Variants in TTC29 observed in about 807,000 individuals in gnomAD.
TTC29 encodes the protein tetratricopeptide repeat domain 29.
In TTC29, 49 loss-of-function variants were observed where a neutral mutation model predicts 58.1. The observed-to-expected ratio is 0.84, with a 90% CI of 0.67 to 1.07. The LOEUF is 1.07. Ranked by LOEUF, TTC29 falls within the 50% of genes least tolerant of loss-of-function variation. The pLI is 0.00. For missense variants in TTC29, 582 were observed against 555.6 expected (o/e 1.05, Z -0.48); for synonymous variants, 209 against 196.8 (o/e 1.06, Z -0.52).
chr4:146,867,869 TA>T (rs1293466014), intron 7 of TTC29, among the ~76,000 whole-genome samples: 4 of 152,242 alleles, frequency 2.6e-5, no homozygotes, highest in African/African-American at 2.4e-5. Flanking sequence ...ATTTAGTTTA[TA>T]AAGGGGTTTC....
chr4:146,817,508 C>T (rs1751493042), intron 10 of TTC29, among the ~76,000 whole-genome samples: 1 of 152,078 alleles, frequency 6.6e-6, no homozygotes, highest in African/African-American at 2.4e-5. Flanking sequence ...CCATACTGCC[C>T]AAGGTAATTT....
At chr4:146,729,159 T>C (rs1029735304) in intron 11 of TTC29, among the ~76,000 whole-genome samples, 1 of 152,094 alleles carries the variant, frequency 6.6e-6, no homozygotes, top group South Asian at 2.1e-4. Flanking sequence ...ATCTCTTCTT[T>C]TCACTAATAA....
At chr4:146,732,044 T>G (rs765788397) in intron 11 of TTC29, among the ~76,000 whole-genome samples, 7 of 152,172 alleles carry the variant, frequency 4.6e-5, no homozygotes, top group Non-Finnish European at 1.0e-4. Flanking sequence ...GTAACAAGTT[T>G]TGGAAACAAA....
rs143381293 is a variant in TTC29 at position 146,922,775 on chromosome 4, A to C, written c.177-13526T>G. Among the ~76,000 whole-genome samples the C allele has an allele frequency of 2.3e-3, 343 of 151,984 alleles. 1 individual carries two copies. The highest frequency in any genetic ancestry group is 7.9e-3 in the African/African-American group (327 of 41,544). On this transcript the variant is annotated intron_variant, in intron 4 of 12. Transcript: ENST00000325106. ...CATCATTATCTTTACACTCCCTCCAAGATACAGAGAATATTTCAAGAAATA... is the reference window on the plus strand; with the variant it reads ...CATCATTATCTTTACACTCCCTCCACGATACAGAGAATATTTCAAGAAATA...
At chr4:146,923,199 A>C (rs1354539254) in intron 4 of TTC29, among the ~76,000 whole-genome samples, 1 of 151,878 alleles carries the variant, frequency 6.6e-6, no homozygotes, top group African/African-American at 2.4e-5. Flanking sequence ...AAAAATTTTT[A>C]ATTTGCCCTC....
chr4:146,937,143 T>A (rs1213889404), intron 4 of TTC29, among the ~76,000 whole-genome samples: 2 of 152,054 alleles, frequency 1.3e-5, no homozygotes. Context: ...ATTTAAAAAT[T>A]AACCAATAAA....
chr4:146,845,027 G>A (rs769431421), intron 8 of TTC29, among the ~76,000 whole-genome samples: 1 of 150,826 alleles, frequency 6.6e-6, no homozygotes, highest in Non-Finnish European at 1.5e-5. Context: ...TCTTCCAGGG[G>A]TCTTCCAGTT....
At chr4:146,909,391 T>C in intron 4 of TTC29, 142 bp from the exon 5 acceptor site, 1 of 664,862 alleles carries the variant, frequency 1.5e-6, no homozygotes, top group East Asian at 2.7e-5. Flanking sequence ...AAAAGATCTT[T>C]GCCTCAAACA....
intron 11 of TTC29, among the ~76,000 whole-genome samples, chr4:146,778,773 CA>C (rs763496225): frequency 6.6e-6 from 1 of 151,514 alleles, no homozygotes; most frequent in Non-Finnish European, 1.5e-5. Context: ...AGGAGTGAAA[CA>C]ACAGGTATAC....
chr4:146,886,438 A>C (rs887054200), intron 6 of TTC29, among the ~76,000 whole-genome samples: 2 of 152,258 alleles, frequency 1.3e-5, no homozygotes, highest in African/African-American at 2.4e-5. Flanking sequence ...CATCCTTTAT[A>C]ATGCATAATC....
At chr4:146,860,636 C>T (rs189120541) in intron 8 of TTC29, among the ~76,000 whole-genome samples, 16 of 152,210 alleles carry the variant, frequency 1.1e-4, no homozygotes, top group South Asian at 6.2e-4. Context: ...TGGAACAGCA[C>T]GAGATTTCAT....
chr4:146,937,500 A>G lies in TTC29; in HGVS notation c.176+94T>C, dbSNP rs1735936667. The G allele has an allele frequency of 3.7e-6, 3 of 812,912 alleles. No individual in the cohort carries two copies. In the South Asian group the frequency reaches 5.3e-5, roughly 14 times the overall value. The allele number at this position is 812,912 out of a possible 1,614,324, so 50.4% of individuals were successfully genotyped here. On this transcript the variant is annotated intron_variant, in intron 4 of 12. Transcript: ENST00000325106. ...TTTTTAAATGCCATGTTCCAATGAA[A>G]AAGTATATTACACAGGAAAATTGAA... is the stretch of plus-strand genomic sequence containing the variant.
intron 11 of TTC29, among the ~76,000 whole-genome samples, chr4:146,756,818 T>A (rs1376270807): frequency 6.6e-6 from 1 of 152,076 alleles, no homozygotes; most frequent in Non-Finnish European, 1.5e-5. Flanking sequence ...TGTTCCATTC[T>A]ACTGCTGAGA....
chr4:146,821,798 A>C (rs561039699), intron 9 of TTC29, among the ~76,000 whole-genome samples: 2 of 152,242 alleles, frequency 1.3e-5, no homozygotes, highest in South Asian at 2.1e-4. Context: ...GGAGCCTAGC[A>C]AATGTCCCAA....
In TTC29 at chr4:146,772,746, T is replaced by C. The variant is rs186774076; in HGVS notation, c.1330+30711A>G. Among the ~76,000 whole-genome samples the C allele has an allele frequency of 1.6e-4, 24 of 152,286 alleles. No homozygotes were observed. The East Asian group carries it at 4.0e-3, about 26-fold the overall frequency. On this transcript the variant is annotated intron_variant, in intron 11 of 12. Coordinates refer to ENST00000325106, the MANE Select transcript of TTC29 (RefSeq NM_031956.4). ...CTATTAATTTTTAAATAGTTGGTTT[T>C]TTTGGTTCTGTGAAGAATGTTGTTG...
intron 4 of TTC29, among the ~76,000 whole-genome samples, chr4:146,935,711 C>T (rs1735755919): frequency 6.6e-6 from 1 of 152,030 alleles, no homozygotes; most frequent in Non-Finnish European, 1.5e-5. Context: ...CAGGATGGGG[C>T]CAAGTATTTT....
chr4:146,878,999 G>A (rs1314305239), intron 6 of TTC29, among the ~76,000 whole-genome samples: 1 of 152,128 alleles, frequency 6.6e-6, no homozygotes, highest in African/African-American at 2.4e-5. Context: ...GATGAGGTCA[G>A]TGGGGTCCTG....
chr4:146,837,438 G>A (rs1373515607), intron 8 of TTC29, among the ~76,000 whole-genome samples: 1 of 151,970 alleles, frequency 6.6e-6, no homozygotes, highest in African/African-American at 2.4e-5. Context: ...GTAAAATAAA[G>A]CCCTGTGACA....
At chr4:146,893,741 C>T (rs544733148) in intron 6 of TTC29, among the ~76,000 whole-genome samples, 22 of 152,244 alleles carry the variant, frequency 1.4e-4, no homozygotes, top group Admixed American at 9.8e-4. Flanking sequence ...TCAGAGTGAA[C>T]GGGCAACCTA....
Sources: gnomAD v4.1 joint callset for allele counts (sites outside exome capture counted in the v4.1 genomes callset) on GRCh38, gnomAD v4.1.1 for gene constraint, MANE v1.5 for transcripts, NCBI Gene and HGNC (gene_info 2026-07-23, HGNC 2026-07-21) for gene names.